Variants in SLC24A3 observed in about 807,000 individuals in gnomAD.
The protein encoded by SLC24A3 is solute carrier family 24 member 3.
Under a neutral mutation model 75.8 loss-of-function variants are expected in SLC24A3, and 28 were observed. The ratio of observed to expected loss-of-function variants is 0.37; its 90% confidence interval spans 0.27 to 0.51. SLC24A3 has a LOEUF of 0.51. Ranked by LOEUF, SLC24A3 falls within the 20% of genes least tolerant of loss-of-function variation. The probability of loss-of-function intolerance (pLI) is 0.94; values close to 1 mark genes in which losing one functional copy is unlikely to be tolerated. For synonymous variants in SLC24A3, 372 were observed against 334.1 expected, an observed-to-expected ratio of 1.11 and a Z score of -1.24; for missense variants, 663 against 847.8, an observed-to-expected ratio of 0.78 and a Z score of 2.71.
chr20:19,403,495 C>T lies in SLC24A3; in HGVS notation c.272-111993C>T, dbSNP rs141306476. 1.4e-4 allele frequency among the ~76,000 whole-genome samples: 22 copies of T among 152,198 alleles called. No individual in the cohort carries two copies. In the East Asian group the frequency reaches 3.7e-3, roughly 25 times the overall value. On this transcript the variant is annotated intron_variant, in intron 2 of 16. Coordinates refer to ENST00000328041, the MANE Select transcript of SLC24A3 (RefSeq NM_020689.4). ...TCTGCCTTCATCTCCTGGAAATGTTCCTCTGGCAAAAAGAACAGACCTCTG... is the reference window on the plus strand; with the variant it reads ...TCTGCCTTCATCTCCTGGAAATGTTTCTCTGGCAAAAAGAACAGACCTCTG...
At chr20:19,263,443 C>G (rs1983060079) in intron 1 of SLC24A3, among the ~76,000 whole-genome samples, 1 of 152,144 alleles carries the variant, frequency 6.6e-6, no homozygotes, top group South Asian at 2.1e-4. Flanking sequence ...ATAAAAAAAG[C>G]CTGATTATTT....
At chr20:19,575,584 A>T (rs559853097) in intron 3 of SLC24A3, among the ~76,000 whole-genome samples, 2 of 152,024 alleles carry the variant, frequency 1.3e-5, no homozygotes, top group African/African-American at 4.8e-5. Flanking sequence ...CCAAAAGACC[A>T]CCCATCTTCT....
At chr20:19,686,487 A>G (rs1246826118) in intron 12 of SLC24A3, among the ~76,000 whole-genome samples, 1 of 152,226 alleles carries the variant, frequency 6.6e-6, no homozygotes. Flanking sequence ...AGAGTACACT[A>G]GTTTGATTCA....
intron 2 of SLC24A3, among the ~76,000 whole-genome samples, chr20:19,306,599 A>G (rs914177450): frequency 2.0e-5 from 3 of 152,218 alleles, no homozygotes; most frequent in Non-Finnish European, 4.4e-5. Flanking sequence ...TTATCGCAAG[A>G]ACAGAAAACC....
rs113912636 is a variant in SLC24A3 at position 19,337,934 on chromosome 20, C to T, written c.271+56847C>T. Among the ~76,000 whole-genome samples the T allele has an allele frequency of 3.0e-3, 460 of 152,168 alleles. 3 individuals are homozygous for T. Among genetic ancestry groups the T allele is most frequent in the African/African-American group, 9.9e-3 (410 of 41,500 alleles). ...TCATAGGGTGGTGGCAGGGGTGGCA[C>T]AGCATCACTTCCTTCAATTATCTTG... On this transcript the variant is annotated intron_variant, in intron 2 of 16. Transcript: ENST00000328041.
At chr20:19,230,943 A>G (rs567147129) in intron 1 of SLC24A3, among the ~76,000 whole-genome samples, 4 of 152,312 alleles carry the variant, frequency 2.6e-5, no homozygotes, top group East Asian at 3.9e-4. Flanking sequence ...AGTTTGTTAC[A>G]AAGAAAAAGA....
chr20:19,514,297 C>A (rs748657015), intron 2 of SLC24A3, among the ~76,000 whole-genome samples: 2 of 152,246 alleles, frequency 1.3e-5, no homozygotes, highest in Non-Finnish European at 2.9e-5. Flanking sequence ...ATGCACAGTG[C>A]ATCCTGGAGT....
chr20:19,292,964 A>G (rs118178607), intron 2 of SLC24A3, among the ~76,000 whole-genome samples: 1,802 of 152,218 alleles, frequency 0.012, 13 homozygotes, highest in Non-Finnish European at 0.018. Flanking sequence ...TAGTAATCCT[A>G]TTCTTAATCA....
intron 2 of SLC24A3, among the ~76,000 whole-genome samples, chr20:19,324,829 G>A (rs572832332): frequency 2.6e-5 from 4 of 152,218 alleles, no homozygotes; most frequent in South Asian, 4.1e-4. Context: ...TTTGTTCAAC[G>A]AGTTAATCCT....
At chr20:19,600,438 T>TA (rs1466160678) in intron 6 of SLC24A3, among the ~76,000 whole-genome samples, 6 of 152,300 alleles carry the variant, frequency 3.9e-5, no homozygotes, top group Middle Eastern at 3.4e-3. Flanking sequence ...CCTTAATTTT[T>TA]ATGACAATAA....
chr20:19,248,652 C>T (rs1982563499), intron 1 of SLC24A3, among the ~76,000 whole-genome samples: 1 of 152,086 alleles, frequency 6.6e-6, no homozygotes, highest in Non-Finnish European at 1.5e-5. Context: ...TCTGGGTATA[C>T]ATCCAAAGAC....
At chr20:19,468,318 T>A (rs955284628) in intron 2 of SLC24A3, among the ~76,000 whole-genome samples, 8 of 151,974 alleles carry the variant, frequency 5.3e-5, no homozygotes, top group Non-Finnish European at 1.2e-4. Context: ...GAAAGGGAGA[T>A]GTTAATGTGG....
chr20:19,684,827 G>T (rs1371091305), intron 11 of SLC24A3, among the ~76,000 whole-genome samples: 2 of 152,214 alleles, frequency 1.3e-5, no homozygotes, highest in East Asian at 3.9e-4. Context: ...TGACATCACA[G>T]TGCACAGAGT....
At chr20:19,699,595 T>C (rs911175513) in intron 15 of SLC24A3, among the ~76,000 whole-genome samples, 1 of 152,250 alleles carries the variant, frequency 6.6e-6, no homozygotes, top group African/African-American at 2.4e-5. Flanking sequence ...ATGACCATCC[T>C]CTAATTCAGG....
Position 19,531,115 on chromosome 20 carries a change from G to T in SLC24A3, c.348+15551G>T, listed in dbSNP as rs185225027. 1.1e-4 allele frequency among the ~76,000 whole-genome samples: 16 copies of T among 151,000 alleles called. 1 individual carries two copies. The East Asian group carries it at 1.5e-3, about 15-fold the overall frequency. ...ATTCTGAACCTGTCCACATGCATCA[G>T]GATGGGAGTTGAGCAGAAAGGCCCC... On this transcript the variant is annotated intron_variant, in intron 3 of 16. Coordinates refer to ENST00000328041, the MANE Select transcript of SLC24A3 (RefSeq NM_020689.4).
chr20:19,579,262 G>C (rs187404295), intron 3 of SLC24A3, among the ~76,000 whole-genome samples: 3 of 152,300 alleles, frequency 2.0e-5, no homozygotes, highest in Admixed American at 2.0e-4. Context: ...AGTTGGAGAG[G>C]AAACATGCGG....
chr20:19,550,545 AGT>A (rs756973513), intron 3 of SLC24A3, among the ~76,000 whole-genome samples: 4 of 152,020 alleles, frequency 2.6e-5, no homozygotes, highest in Non-Finnish European at 5.9e-5. Context: ...TACATGTGTG[AGT>A]GTGTGTGTGT....
chr20:19,262,023 C>G (rs1017556290), intron 1 of SLC24A3: 4 of 152,512 alleles, frequency 2.6e-5, no homozygotes, highest in African/African-American at 9.7e-5. Flanking sequence ...CTTTCCCTCC[C>G]TTCCTTATGT....
intron 6 of SLC24A3, among the ~76,000 whole-genome samples, chr20:19,587,519 G>A (rs1205207875): frequency 2.6e-5 from 4 of 152,144 alleles, no homozygotes; most frequent in South Asian, 2.1e-4. Flanking sequence ...CAGTCCACGC[G>A]ATGACTCTGG....
Sources: allele counts gnomAD v4.1 joint callset (sites outside exome capture counted in the v4.1 genomes callset), GRCh38; gene constraint gnomAD v4.1.1; transcripts MANE v1.5; gene names NCBI Gene and HGNC (gene_info 2026-07-23, HGNC 2026-07-21).